ANK3: variants seen among roughly 807,000 people sequenced by gnomAD.
ANK3 encodes ankyrin-3.
In ANK3, 57 loss-of-function variants were observed where a neutral mutation model predicts 370.9. That is an observed-to-expected ratio of 0.15 (90% CI 0.12 to 0.19). ANK3 has a LOEUF of 0.19. ANK3 is among the 10% of genes least tolerant of loss of function. ANK3 has a pLI of 1.00. For missense variants in ANK3, 4,439 were observed against 5,302.1 expected (o/e 0.84, Z 5.06); for synonymous variants, 1,929 against 1,946.3 (o/e 0.99, Z 0.23).
rs780752966 is a variant in ANK3, at chr10:60,166,581, T to C, written c.2614+10A>G. The C allele has an allele frequency of 1.2e-6, 2 of 1,611,438 alleles. No individual in the cohort carries two copies. The highest frequency in any genetic ancestry group is 2.2e-5 in the South Asian group (2 of 90,790). Reference sequence around the variant, plus strand: ...AGTTAAGTTTCATCACAATAAAAATTTACAAATACCTTCTTCAACATCTGA... The same window carrying C: ...AGTTAAGTTTCATCACAATAAAAATCTACAAATACCTTCTTCAACATCTGA... On this transcript the variant is annotated intron_variant, in intron 23 of 43. Coordinates refer to ENST00000280772, the MANE Select transcript of ANK3 (RefSeq NM_020987.5).
At chr10:60,139,676 G>C (rs968704377) in intron 23 of ANK3, 11 of 152,968 alleles carry the variant, frequency 7.2e-5, no homozygotes, top group African/African-American at 2.6e-4. Flanking sequence ...ATTAACAACA[G>C]CCCAACTGTC....
At chr10:60,713,661 G>A (rs113681243) in intron 1 of ANK3, among the ~76,000 whole-genome samples, 9 of 152,128 alleles carry the variant, frequency 5.9e-5, no homozygotes, top group South Asian at 2.1e-4. Flanking sequence ...ATGCCAAGGC[G>A]GGCAGATCAC....
intron 43 of ANK3, among the ~76,000 whole-genome samples, chr10:60,030,325 G>A (rs137898089): frequency 0.068 from 10,308 of 151,912 alleles, 954 homozygotes; most frequent in African/African-American, 0.21. Context: ...TGTATTTTTA[G>A]TAGAGACGGG....
intron 1 of ANK3, among the ~76,000 whole-genome samples, chr10:60,384,461 G>A (rs937953421): frequency 6.6e-6 from 1 of 152,158 alleles, no homozygotes; most frequent in Non-Finnish European, 1.5e-5. Context: ...CCACTTTGAT[G>A]TGTAGCTGTG....
chr10:60,640,105 C>T (rs2078610531), intron 1 of ANK3, among the ~76,000 whole-genome samples: 1 of 151,904 alleles, frequency 6.6e-6, no homozygotes, highest in Non-Finnish European at 1.5e-5. Flanking sequence ...AGAATATTAT[C>T]ATCAGTAAAA....
chr10:60,382,797 C>CTATATATATATATATATA (rs5785442), intron 1 of ANK3, among the ~76,000 whole-genome samples: 82 of 133,714 alleles, frequency 6.1e-4, no homozygotes, highest in Non-Finnish European at 9.3e-4. Context: ...ATACCTAAAT[C>CTATATATATATATATATA]TATATATATA....
chr10:60,692,245 T>G (rs1183757312), intron 1 of ANK3, among the ~76,000 whole-genome samples: 7 of 152,208 alleles, frequency 4.6e-5, no homozygotes, highest in African/African-American at 1.7e-4. Context: ...AATACTGGCA[T>G]ACGTTTTACA....
At chr10:60,422,989 T>C (rs960009838) in intron 2 of ANK3, among the ~76,000 whole-genome samples, 1 of 152,064 alleles carries the variant, frequency 6.6e-6, no homozygotes, top group African/African-American at 2.4e-5. Context: ...TTCTTTACTG[T>C]ACAGGATAGT....
intron 1 of ANK3, among the ~76,000 whole-genome samples, chr10:60,386,008 G>A (rs963708448): frequency 6.6e-6 from 1 of 152,182 alleles, no homozygotes; most frequent in African/African-American, 2.4e-5. Flanking sequence ...TGCTAGGACT[G>A]CAGCCTGACC....
intron 1 of ANK3, among the ~76,000 whole-genome samples, chr10:60,694,122 T>C (rs992892424): frequency 1.4e-4 from 21 of 152,178 alleles, no homozygotes; most frequent in African/African-American, 4.8e-4. Context: ...CAGGAGCCGA[T>C]GCGATCAACT....
At chr10:60,267,889 T>C (rs1157206667) in intron 5 of ANK3, among the ~76,000 whole-genome samples, 1 of 152,252 alleles carries the variant, frequency 6.6e-6, no homozygotes, top group African/African-American at 2.4e-5. Context: ...CAACAGTCTC[T>C]GCCTGTCTCT....
chr10:60,150,922 A>G (rs996282190), intron 23 of ANK3, among the ~76,000 whole-genome samples: 3 of 152,210 alleles, frequency 2.0e-5, no homozygotes, highest in Admixed American at 6.5e-5. Context: ...AATCTCGAGT[A>G]GAAAGTCTAA....
chr10:60,430,857 G>A (rs1176936479), intron 2 of ANK3, among the ~76,000 whole-genome samples: 1 of 152,164 alleles, frequency 6.6e-6, no homozygotes, highest in African/African-American at 2.4e-5. Context: ...AGCTGTGTAA[G>A]CCCAGGTTAA....
Position 60,074,361 on chromosome 10 carries a change from T to C in ANK3, c.6520A>G (p.Arg2174Gly). 1.2e-6 allele frequency: 2 copies of C among 1,614,038 alleles called. No individual in the cohort carries two copies. Among genetic ancestry groups the C allele is most frequent in the Non-Finnish European group, 8.5e-7 (1 of 1,179,986 alleles). Reference sequence around the variant, plus strand: ...TCCCCAGCTGAGGGATCATAGCTCCTGATAACATGAACCACTTCAGTTCTT... The same window carrying C: ...TCCCCAGCTGAGGGATCATAGCTCCCGATAACATGAACCACTTCAGTTCTT... ...ETRTEVVHVI[R>G]SYDPSAGDVP... Residue 2174 changes from arginine (R) to glycine (G), a missense_variant, in exon 37 of 44, where the codon AGG (arginine) becomes GGG (glycine). By Grantham distance (125) the Arg-to-Gly change is moderately radical. Transcript: ENST00000280772.
At chr10:60,412,311 C>A (rs2132932175) in intron 2 of ANK3, among the ~76,000 whole-genome samples, 1 of 152,214 alleles carries the variant, frequency 6.6e-6, no homozygotes, top group South Asian at 2.1e-4. Context: ...CCCCTGAGAG[C>A]CTGAAGAGAA....
intron 2 of ANK3, among the ~76,000 whole-genome samples, chr10:60,407,081 C>A (rs1050700225): frequency 2.0e-5 from 3 of 152,206 alleles, no homozygotes; most frequent in African/African-American, 7.2e-5. Context: ...GAGAAGCCTG[C>A]AGATTTTCTA....
chr10:60,581,005 C>CT (rs1380649264), intron 2 of ANK3, among the ~76,000 whole-genome samples: 1 of 152,224 alleles, frequency 6.6e-6, no homozygotes, highest in African/African-American at 2.4e-5. Context: ...TATTCTGAAA[C>CT]TTAATAAACA....
chr10:60,157,335 CT>C (rs777732848), intron 23 of ANK3, among the ~76,000 whole-genome samples: 5,551 of 121,050 alleles, frequency 0.046, 107 homozygotes, highest in Non-Finnish European at 0.062. Flanking sequence ...CTGTGCCCGG[CT>C]TTTTTTTTTT....
intron 30 of ANK3, 31 bp from the exon 31 acceptor site, chr10:60,085,284 T>A: frequency 6.5e-7 from 1 of 1,541,384 alleles, no homozygotes; most frequent in Non-Finnish European, 8.9e-7. Flanking sequence ...ATGTTGACTT[T>A]ATCATGGGAG....
Sources: gnomAD v4.1 joint callset for allele counts (sites outside exome capture counted in the v4.1 genomes callset) on GRCh38, gnomAD v4.1.1 for gene constraint, MANE v1.5 for transcripts, NCBI Gene and HGNC (gene_info 2026-07-23, HGNC 2026-07-21) for gene names.